The following ENOX1 variants were observed in gnomAD, a reference collection of about 807,000 sequenced individuals.
ENOX1 encodes the protein candidate growth-related and time keeping constitutive hydroquinone (NADH) oxidase.
In ENOX1, 42 loss-of-function variants were observed where a neutral mutation model predicts 82.5. The observed-to-expected ratio is 0.51, with a 90% CI of 0.40 to 0.66. The LOEUF (loss-of-function observed/expected upper bound fraction) is 0.66. Among genes scored for constraint, ENOX1 ranks in the 30% least tolerant of loss-of-function variants. ENOX1 has a pLI of 0.00. For missense variants in ENOX1, 608 were observed against 811.6 expected (o/e 0.75, Z 3.05); for synonymous variants, 271 against 282.2 (o/e 0.96, Z 0.40).
intron 12 of ENOX1, among the ~76,000 whole-genome samples, chr13:43,297,346 G>T (rs1053811286): frequency 6.6e-6 from 1 of 151,266 alleles, no homozygotes; most frequent in African/African-American, 2.4e-5. Context: ...ATGGATGGGG[G>T]AATTAAAAAA....
intron 3 of ENOX1, among the ~76,000 whole-genome samples, chr13:43,475,151 G>A (rs745648318): frequency 1.3e-5 from 2 of 152,108 alleles, no homozygotes; most frequent in African/African-American, 2.4e-5. Flanking sequence ...GATGGCTATT[G>A]ATAAATATCA....
intron 1 of ENOX1, among the ~76,000 whole-genome samples, chr13:43,748,488 C>T (rs1404594042): frequency 6.6e-6 from 1 of 152,172 alleles, no homozygotes; most frequent in East Asian, 1.9e-4. Flanking sequence ...ATGTATGAAA[C>T]AGTCTGATTT....
chr13:43,361,255 A>G (rs755995794), intron 6 of ENOX1, 24 bp downstream of exon 6: 1 of 1,601,252 alleles, frequency 6.2e-7, no homozygotes, highest in East Asian at 2.2e-5. Context: ...AAATGAGCAA[A>G]TATTTCTCAT....
chr13:43,699,249 A>G (rs953102), intron 1 of ENOX1, among the ~76,000 whole-genome samples: 60,019 of 152,026 alleles, frequency 0.39, 14,592 homozygotes, highest in Non-Finnish European at 0.56. Flanking sequence ...GGAATCATCA[A>G]CAAGTCAAAC....
At chr13:43,333,039 G>C (rs1258595202) in intron 9 of ENOX1, among the ~76,000 whole-genome samples, 1 of 152,038 alleles carries the variant, frequency 6.6e-6, no homozygotes, top group Non-Finnish European at 1.5e-5. Flanking sequence ...CTTACACAAA[G>C]GTGCTAATAT....
intron 2 of ENOX1, among the ~76,000 whole-genome samples, chr13:43,489,721 C>T (rs958114392): frequency 1.3e-5 from 2 of 152,144 alleles, no homozygotes; most frequent in African/African-American, 4.8e-5. Context: ...GGGCTATGCT[C>T]AACAATATTG....
At chr13:43,257,808 T>C (rs1297113804) in intron 14 of ENOX1, among the ~76,000 whole-genome samples, 7 of 152,248 alleles carry the variant, frequency 4.6e-5, no homozygotes, top group African/African-American at 1.7e-4. Flanking sequence ...GGGGAGGACA[T>C]TCTGTCTCCA....
At chr13:43,464,666 C>T (rs1248715170) in intron 3 of ENOX1, among the ~76,000 whole-genome samples, 1 of 152,286 alleles carries the variant, frequency 6.6e-6, no homozygotes, top group South Asian at 2.1e-4. Flanking sequence ...CCCCCACTTT[C>T]CCCCACTGTT....
At chr13:43,314,205 C>T (rs1366283517) in intron 11 of ENOX1, among the ~76,000 whole-genome samples, 1 of 152,166 alleles carries the variant, frequency 6.6e-6, no homozygotes, top group African/African-American at 2.4e-5. Flanking sequence ...ATATCAAGAG[C>T]ATTCAGTCAA....
intron 11 of ENOX1, among the ~76,000 whole-genome samples, chr13:43,316,154 G>T (rs1387107943): frequency 1.3e-5 from 2 of 152,126 alleles, no homozygotes; most frequent in Admixed American, 6.5e-5. Context: ...AAGAAGCCAG[G>T]GCCTGACAGG....
At chr13:43,591,892 A>C (rs2081262032) in intron 2 of ENOX1, among the ~76,000 whole-genome samples, 1 of 152,060 alleles carries the variant, frequency 6.6e-6, no homozygotes, top group Non-Finnish European at 1.5e-5. Flanking sequence ...TTTGAAGGCA[A>C]AAGACCAGCC....
chr13:43,419,130 T>G (rs2054821285), intron 3 of ENOX1, among the ~76,000 whole-genome samples: 1 of 151,978 alleles, frequency 6.6e-6, no homozygotes, highest in Non-Finnish European at 1.5e-5. Flanking sequence ...GATGCACACA[T>G]CATGAATAAT....
intron 15 of ENOX1, among the ~76,000 whole-genome samples, chr13:43,233,679 T>A (rs1169331582): frequency 6.6e-6 from 1 of 152,194 alleles, no homozygotes. Flanking sequence ...TCTGCCAGTG[T>A]GCGTTTCTTA....
intron 12 of ENOX1, among the ~76,000 whole-genome samples, chr13:43,296,189 C>T (rs115654166): frequency 0.013 from 1,910 of 152,276 alleles, 33 homozygotes; most frequent in African/African-American, 0.042. Context: ...AAGTCCTAGC[C>T]CCTACTACCA....
intron 1 of ENOX1, among the ~76,000 whole-genome samples, chr13:43,698,707 C>T (rs1326435453): frequency 6.6e-6 from 1 of 152,070 alleles, no homozygotes; most frequent in African/African-American, 2.4e-5. Context: ...CTGCACTTTT[C>T]ACAAAATTAT....
At chr13:43,531,066 AATAAT>A (rs965451645) in intron 2 of ENOX1, among the ~76,000 whole-genome samples, 1 of 152,100 alleles carries the variant, frequency 6.6e-6, no homozygotes, top group South Asian at 2.1e-4. Flanking sequence ...AAAAAACTAA[AATAAT>A]ATAATACTTT....
intron 11 of ENOX1, among the ~76,000 whole-genome samples, chr13:43,305,940 AG>A (rs1216792850): frequency 6.6e-6 from 1 of 152,170 alleles, no homozygotes; most frequent in African/African-American, 2.4e-5. Context: ...AGGGCAGGGA[AG>A]CAGAGCTCTC....
intron 2 of ENOX1, among the ~76,000 whole-genome samples, chr13:43,501,166 GA>G (rs922714201): frequency 1.8e-4 from 27 of 149,772 alleles, no homozygotes; most frequent in East Asian, 3.9e-4. Flanking sequence ...GTAAAAGAAT[GA>G]AAAAAAAATA....
intron 1 of ENOX1, among the ~76,000 whole-genome samples, chr13:43,691,163 T>C (rs1311493629): frequency 6.6e-6 from 1 of 152,042 alleles, no homozygotes; most frequent in Non-Finnish European, 1.5e-5. Flanking sequence ...GTCTAGAAAA[T>C]CAAAACCATT....
Sources: gnomAD v4.1 joint callset for allele counts (sites outside exome capture counted in the v4.1 genomes callset) on GRCh38, gnomAD v4.1.1 for gene constraint, MANE v1.5 for transcripts, NCBI Gene and HGNC (gene_info 2026-07-23, HGNC 2026-07-21) for gene names.